Variants in CHD6 observed in about 807,000 individuals in gnomAD.
CHD6 encodes chromodomain helicase DNA binding protein 6.
A neutral mutation model predicts 276.9 loss-of-function variants in CHD6; 50 were observed. The ratio of observed to expected loss-of-function variants is 0.18; its 90% CI spans 0.14 to 0.23. The LOEUF is 0.23. Ranked by LOEUF, CHD6 falls within the 10% of genes least tolerant of loss-of-function variation. The pLI, the probability that CHD6 is intolerant of heterozygous loss-of-function variation, is 1.00. For synonymous variants in CHD6, 1,173 were observed against 1,229.3 expected, an observed-to-expected ratio of 0.95 and a Z score of 0.96; for missense variants, 2,564 against 3,365.8, an observed-to-expected ratio of 0.76 and a Z score of 5.89.
chr20:41,475,277 C>T (rs6093486), intron 16 of CHD6, among the ~76,000 whole-genome samples: 2 of 152,098 alleles, frequency 1.3e-5, no homozygotes, highest in Non-Finnish European at 2.9e-5. Flanking sequence ...CTTAGGAAAC[C>T]TAAAAACAGA....
Position 41,487,770 on chromosome 20 carries a change from G to C in CHD6, c.1896C>G (p.Asn632Lys). 1 of 1,611,426 alleles carries C rather than the reference G, an allele frequency of 6.2e-7. No homozygotes were observed. Among genetic ancestry groups the C allele is most frequent in the African/African-American group, 1.3e-5 (1 of 74,792 alleles). Reference protein sequence around the residue: ...KVLLTGTPLQNSVEELFSLLN... With the variant: ...KVLLTGTPLQKSVEELFSLLN... ...ACAAACTGAAGAGCTCCTCCACAGA[G>C]TTCTGCAAGGGTGTTCCAGTGAGAA... is the stretch of plus-strand genomic sequence containing the variant. The change falls in exon 14 of 37, where the codon AAC becomes AAG. Residue 632 changes from asparagine to lysine, a missense_variant. By Grantham distance (94) the Asn-to-Lys change is moderately conservative. Coordinates refer to ENST00000373233, the MANE Select transcript of CHD6 (RefSeq NM_032221.5).
Position 41,403,979 on chromosome 20 carries a change from G to A in CHD6, c.*614C>T. The A allele has an allele frequency of 9.5e-7, 1 of 1,054,064 alleles. No individual in the cohort carries two copies. The highest frequency in any genetic ancestry group is 5.4e-5 in the East Asian group (1 of 18,620). The allele number at this position is 1,054,064 out of a possible 1,614,324, so 65.3% of individuals were successfully genotyped here. A position where few individuals can be genotyped will look rare whatever the true frequency, so the allele number is the denominator to read the frequency against. On this transcript the variant is annotated 3_prime_UTR_variant, in exon 37 of 37. Coordinates refer to ENST00000373233, the MANE Select transcript of CHD6 (RefSeq NM_032221.5). ...TGCAGGTGTCTGAAAAACCACCAAG[G>A]GGGAAATTATATTACTACCGGTAAG... is the stretch of plus-strand genomic sequence containing the variant.
At chr20:41,443,730 G>A (rs1423866738) in intron 25 of CHD6, among the ~76,000 whole-genome samples, 1 of 151,998 alleles carries the variant, frequency 6.6e-6, no homozygotes, top group Non-Finnish European at 1.5e-5. Flanking sequence ...GCTTTTTCTT[G>A]CTTCCCTTTC....
At chr20:41,431,655 T>C (rs2047541003) in intron 27 of CHD6, among the ~76,000 whole-genome samples, 1 of 151,836 alleles carries the variant, frequency 6.6e-6, no homozygotes, top group Admixed American at 6.6e-5. Flanking sequence ...ATTCTTTAAG[T>C]ATAATTAAAC....
chr20:41,416,729 A>G lies in CHD6; in HGVS notation c.6345T>C (p.Ser2115=), dbSNP rs567362191. 4.3e-6 allele frequency: 7 copies of G among 1,613,102 alleles called. No homozygotes were observed. In the East Asian group the frequency reaches 1.6e-4, roughly 36 times the overall value. ...CHVVLKGKWP[S]SQQYEPSGTL... ...TGCCTGAGGGCTCATACTGCTGGCT[A>G]GAGGGCCACTTCCCCTTTAACACCA... is the stretch of plus-strand genomic sequence containing the variant. The change falls in exon 33 of 37, where the codon TCT becomes TCC. Residue 2115 remains serine (S), a synonymous_variant. Coordinates refer to ENST00000373233, the MANE Select transcript of CHD6 (RefSeq NM_032221.5).
intron 6 of CHD6, among the ~76,000 whole-genome samples, chr20:41,498,817 G>A (rs980992825): frequency 4.6e-4 from 35 of 76,044 alleles, no homozygotes; most frequent in Admixed American, 1.9e-3. Context: ...ATGTATGTGT[G>A]TGTGTGTGTG....
At chr20:41,427,158 A>C (rs1216544449) in intron 27 of CHD6, among the ~76,000 whole-genome samples, 4 of 151,630 alleles carry the variant, frequency 2.6e-5, no homozygotes, top group Non-Finnish European at 1.5e-5. Context: ...GGTATTTACT[A>C]TCTGGTCCTT....
rs1478762247 is a variant in CHD6, at chr20:41,405,137, C to T, written c.7604G>A (p.Gly2535Glu). 3.1e-6 allele frequency: 5 copies of T among 1,614,202 alleles called. No homozygotes were observed. In the South Asian group the frequency reaches 5.5e-5, roughly 18 times the overall value. The change falls in exon 37 of 37, where the codon GGG becomes GAG. Residue 2535 changes from glycine to glutamate, a missense_variant. Around this residue, in one of 7 missense-constraint regions of CHD6, gnomAD observed 238 missense variants for 266.0 expected, o/e 0.89. Coordinates refer to ENST00000373233, the MANE Select transcript of CHD6 (RefSeq NM_032221.5). ...MAAVPQMFGV[G>E]GLLSPPMATT... ...TGCCATGGGTGGACTGAGGAGTCCC[C>T]CAACACCAAACATCTGGGGCACAGC...
At chr20:41,600,492 CTA>C (rs2045762995) in intron 1 of CHD6, among the ~76,000 whole-genome samples, 1 of 152,094 alleles carries the variant, frequency 6.6e-6, no homozygotes, top group African/African-American at 2.4e-5. Context: ...GGAACAGTCT[CTA>C]TGTTGATCTG....
chr20:41,445,915 C>T, intron 24 of CHD6, 147 bp from the exon 25 acceptor site: 1 of 585,604 alleles, frequency 1.7e-6, no homozygotes, highest in Admixed American at 2.9e-5. Flanking sequence ...GTTTCTCAAC[C>T]AGGGCTTTGC....
chr20:41,555,339 G>C (rs1232967343), intron 1 of CHD6, among the ~76,000 whole-genome samples: 4 of 145,766 alleles, frequency 2.7e-5, no homozygotes, highest in Non-Finnish European at 4.6e-5. Context: ...CCTCCCGGAC[G>C]GGGCGGCCGG....
intron 5 of CHD6, among the ~76,000 whole-genome samples, chr20:41,507,991 T>C (rs2044018137): frequency 6.6e-6 from 1 of 152,094 alleles, no homozygotes. Flanking sequence ...TTACACTCAT[T>C]CAGGGAAGAC....
chr20:41,532,784 T>C (rs976334450), intron 3 of CHD6, among the ~76,000 whole-genome samples: 1 of 152,200 alleles, frequency 6.6e-6, no homozygotes, highest in Non-Finnish European at 1.5e-5. Flanking sequence ...GGGTGGGGAA[T>C]TCTTGGGAGT....
chr20:41,548,561 T>C (rs1219663378), intron 2 of CHD6, among the ~76,000 whole-genome samples: 1 of 152,176 alleles, frequency 6.6e-6, no homozygotes, highest in Non-Finnish European at 1.5e-5. Flanking sequence ...ACCTAGGCAA[T>C]ACCATGCAGG....
intron 3 of CHD6, among the ~76,000 whole-genome samples, chr20:41,526,149 A>T (rs1182484495): frequency 1.4e-5 from 2 of 145,660 alleles, no homozygotes; most frequent in Non-Finnish European, 3.0e-5. Context: ...TGATGCTCTT[A>T]AAAAAAAAAA....
chr20:41,558,692 G>A (rs2045267238), intron 1 of CHD6, among the ~76,000 whole-genome samples: 1 of 152,030 alleles, frequency 6.6e-6, no homozygotes, highest in Non-Finnish European at 1.5e-5. Flanking sequence ...CTTTCCATCT[G>A]TATTTGAGAT....
At position 41,597,507 on chromosome 20, in the gene CHD6, T is replaced by A. The variant is rs190714630; in HGVS notation, c.-24+20833A>T. 2.0e-5 allele frequency among the ~76,000 whole-genome samples: 3 copies of A among 152,174 alleles called. No individual in the cohort carries two copies. In the East Asian group the frequency reaches 5.8e-4, roughly 29 times the overall value. On this transcript the variant is annotated intron_variant, in intron 1 of 36. Coordinates refer to ENST00000373233, the MANE Select transcript of CHD6 (RefSeq NM_032221.5). ...AACACCAACCTGGAGATCATGTCCT[T>A]ATCAGAAGTTGGAAAGAGGGAAAGC...
chr20:41,588,310 G>A (rs1232637278), intron 1 of CHD6, among the ~76,000 whole-genome samples: 2 of 152,278 alleles, frequency 1.3e-5, no homozygotes, highest in Middle Eastern at 3.4e-3. Context: ...GAGTTGCGCT[G>A]GCACTGCTTT....
In CHD6 at chr20:41,584,419, T is replaced by C. The variant is rs530812745; in HGVS notation, c.-23-33059A>G. 3.3e-5 allele frequency among the ~76,000 whole-genome samples: 5 copies of C among 152,268 alleles called. No homozygotes were observed. In the East Asian group the frequency reaches 9.7e-4, roughly 29 times the overall value. On this transcript the variant is annotated intron_variant, in intron 1 of 36. Coordinates refer to ENST00000373233, the MANE Select transcript of CHD6 (RefSeq NM_032221.5). Reference sequence around the variant, plus strand: ...TTAACACTCCACTTCTGGTAATCCATAGTGTGTAGAAAAAAATTTCTATCT... The same window carrying C: ...TTAACACTCCACTTCTGGTAATCCACAGTGTGTAGAAAAAAATTTCTATCT...
Sources: allele counts gnomAD v4.1 joint callset (sites outside exome capture counted in the v4.1 genomes callset), GRCh38; gene constraint gnomAD v4.1.1; regional missense constraint gnomAD v4.1.1; transcripts MANE v1.5; gene names NCBI Gene and HGNC (gene_info 2026-07-23, HGNC 2026-07-21).